The following SLC9A9 variants were observed in gnomAD, a reference collection of about 807,000 sequenced individuals.
SLC9A9 encodes the protein solute carrier family 9 member A9, also known as sodium/hydrogen exchanger 9.
In SLC9A9, 62 loss-of-function variants were observed where a neutral mutation model predicts 77.8. The ratio of observed to expected loss-of-function variants is 0.80; its 90% CI spans 0.65 to 0.98. SLC9A9 has a LOEUF of 0.98. SLC9A9 is among the 50% of genes least tolerant of loss of function. The probability of loss-of-function intolerance (pLI) is 0.00; values close to 1 mark genes in which losing one functional copy is unlikely to be tolerated. For missense variants in SLC9A9, 775 were observed against 774.9 expected (o/e 1.00, Z 0.00); for synonymous variants, 320 against 283.5 (o/e 1.13, Z -1.29).
intron 5 of SLC9A9, among the ~76,000 whole-genome samples, chr3:143,672,426 G>A (rs1485051831): frequency 1.3e-5 from 2 of 152,128 alleles, no homozygotes; most frequent in Non-Finnish European, 2.9e-5. Flanking sequence ...TGATTAGAGA[G>A]CATGATCAGA....
chr3:143,777,317 C>G (rs912257680), intron 4 of SLC9A9, among the ~76,000 whole-genome samples: 1 of 152,188 alleles, frequency 6.6e-6, no homozygotes, highest in African/African-American at 2.4e-5. Context: ...ATCAAACTCT[C>G]TCTTCTGCCT....
intron 12 of SLC9A9, among the ~76,000 whole-genome samples, chr3:143,460,365 G>A (rs1476663624): frequency 6.6e-6 from 1 of 152,042 alleles, no homozygotes; most frequent in African/African-American, 2.4e-5. Context: ...ATTTTGACCA[G>A]AACTGGTACC....
rs548537822 is a variant in SLC9A9, at chr3:143,350,846, C to T, written c.1604+12638G>A. Reference sequence around the variant, plus strand: ...CAGCTCCGTGTTGCTTCTCTCTCCCCGTAATCTGGCCTTTACTCCAGCTCC... The same window carrying T: ...CAGCTCCGTGTTGCTTCTCTCTCCCTGTAATCTGGCCTTTACTCCAGCTCC... On this transcript the variant is annotated intron_variant, in intron 14 of 15. Transcript: ENST00000316549. Among the ~76,000 whole-genome samples the T allele has an allele frequency of 4.6e-5, 7 of 152,298 alleles. No homozygotes were observed. The East Asian group carries it at 1.4e-3, about 29-fold the overall frequency.
chr3:143,495,498 G>A (rs2035818944), intron 9 of SLC9A9, 50 bp from the exon 10 acceptor site: 6 of 1,367,340 alleles, frequency 4.4e-6, no homozygotes, highest in Middle Eastern at 1.8e-4. Flanking sequence ...TCAGGTTTGA[G>A]TGCACTTACT....
At chr3:143,841,487 A>T (rs921150677) in intron 1 of SLC9A9, among the ~76,000 whole-genome samples, 1 of 152,240 alleles carries the variant, frequency 6.6e-6, no homozygotes, top group African/African-American at 2.4e-5. Flanking sequence ...GACATAATAG[A>T]TGTTTAACAA....
intron 4 of SLC9A9, among the ~76,000 whole-genome samples, chr3:143,715,740 C>T (rs1934327057): frequency 6.6e-6 from 1 of 152,126 alleles, no homozygotes; most frequent in African/African-American, 2.4e-5. Flanking sequence ...CAGCCCTGGT[C>T]AGAGAGACAA....
intron 12 of SLC9A9, among the ~76,000 whole-genome samples, chr3:143,430,132 A>G (rs2034484589): frequency 6.6e-6 from 1 of 152,200 alleles, no homozygotes; most frequent in South Asian, 2.1e-4. Flanking sequence ...CTTCAAAGTT[A>G]ATGACTTCAT....
At chr3:143,558,744 C>T (rs2037030508) in intron 8 of SLC9A9, among the ~76,000 whole-genome samples, 1 of 152,006 alleles carries the variant, frequency 6.6e-6, no homozygotes, top group African/African-American at 2.4e-5. Context: ...TGCCTTGTCT[C>T]AGATGAAAAT....
intron 14 of SLC9A9, among the ~76,000 whole-genome samples, chr3:143,272,679 T>TA (rs1232792438): frequency 1.3e-5 from 2 of 152,042 alleles, no homozygotes; most frequent in Admixed American, 6.6e-5. Flanking sequence ...TTCTATCTAT[T>TA]AAAAAAAACC....
chr3:143,603,190 A>G (rs1485652039), intron 6 of SLC9A9, among the ~76,000 whole-genome samples: 1 of 152,238 alleles, frequency 6.6e-6, no homozygotes, highest in African/African-American at 2.4e-5. Flanking sequence ...CATAGAAGTC[A>G]TCTCTGAATG....
At chr3:143,517,691 T>C (rs2036228580) in intron 9 of SLC9A9, 1 of 1,597,476 alleles carries the variant, frequency 6.3e-7, no homozygotes, top group African/African-American at 1.3e-5. Flanking sequence ...CTGAGCTGAA[T>C]CAGGATTTAT....
chr3:143,327,417 C>T lies in SLC9A9; in HGVS notation c.1604+36067G>A, dbSNP rs143433307. Reference sequence around the variant, plus strand: ...TAGTCCAAAAAGGAATCCCTTAGCACATACCATATGGAACAATATGAGTTT... The same window carrying T: ...TAGTCCAAAAAGGAATCCCTTAGCATATACCATATGGAACAATATGAGTTT... On this transcript the variant is annotated intron_variant, in intron 14 of 15. Transcript: ENST00000316549. Among the ~76,000 whole-genome samples, 1,141 of 152,314 alleles carry T rather than the reference C, an allele frequency of 7.5e-3. 4 individuals are homozygous for T. The highest frequency in any genetic ancestry group is 0.014 in the Middle Eastern group (4 of 294).
chr3:143,668,876 C>T (rs1174010440), intron 5 of SLC9A9, among the ~76,000 whole-genome samples: 2 of 152,118 alleles, frequency 1.3e-5, no homozygotes, highest in African/African-American at 4.8e-5. Context: ...ATAAATTGAA[C>T]AACACAATTC....
chr3:143,832,026 A>G lies in SLC9A9; in HGVS notation c.371T>C (p.Leu124Pro), dbSNP rs2009448872. ...NINPHQGNAI[L>P]EKMTFDPEIF... ...ACCAGACAGGATCCTTACCTTTTCAAGTATAGCATTTCCTTGATGAGGATT... is the reference window on the plus strand; with the variant it reads ...ACCAGACAGGATCCTTACCTTTTCAGGTATAGCATTTCCTTGATGAGGATT... The change falls in exon 2 of 16, where the codon CTT becomes CCT. Residue 124 changes from leucine (L) to proline (P), a missense_variant. Transcript: ENST00000316549. The G allele has an allele frequency of 6.2e-7, 1 of 1,611,414 alleles. No homozygotes were observed.
intron 14 of SLC9A9, among the ~76,000 whole-genome samples, chr3:143,327,252 CAATT>C (rs1161656886): frequency 2.0e-5 from 3 of 151,880 alleles, no homozygotes; most frequent in South Asian, 2.1e-4. Flanking sequence ...CTACCTCCCA[CAATT>C]AATTAGAGAA....
At chr3:143,491,499 T>C (rs2035745384) in intron 11 of SLC9A9, among the ~76,000 whole-genome samples, 1 of 152,164 alleles carries the variant, frequency 6.6e-6, no homozygotes, top group African/African-American at 2.4e-5. Flanking sequence ...TCAGTTTTGA[T>C]TCAAGAGCCA....
At chr3:143,760,444 A>T (rs1030529842) in intron 4 of SLC9A9, among the ~76,000 whole-genome samples, 1 of 152,092 alleles carries the variant, frequency 6.6e-6, no homozygotes, top group East Asian at 1.9e-4. Flanking sequence ...TAGCTAGAAA[A>T]CCCCATCGTC....
At chr3:143,655,583 A>G (rs974138924) in intron 5 of SLC9A9, 1 of 984,976 alleles carries the variant, frequency 1.0e-6, no homozygotes, top group Non-Finnish European at 1.2e-6. Flanking sequence ...TTCTTACATG[A>G]TGTTGTAGCT....
rs564579986 is a variant in SLC9A9 at position 143,614,179 on chromosome 3, T to C, written c.756-35456A>G. Reference sequence around the variant, plus strand: ...ACCAAGGCAGGCAATAAGGGTACCATCTCTGAGGGTTAAGACAGGTATTTC... The same window carrying C: ...ACCAAGGCAGGCAATAAGGGTACCACCTCTGAGGGTTAAGACAGGTATTTC... On this transcript the variant is annotated intron_variant, in intron 6 of 15. Transcript: ENST00000316549. Among the ~76,000 whole-genome samples the C allele has an allele frequency of 2.8e-3, 430 of 152,264 alleles. 3 individuals carry two copies. Among genetic ancestry groups the C allele is most frequent in the African/African-American group, 9.9e-3 (411 of 41,550 alleles).
Sources: gnomAD v4.1 joint callset for allele counts (sites outside exome capture counted in the v4.1 genomes callset) on GRCh38, gnomAD v4.1.1 for gene constraint, MANE v1.5 for transcripts, NCBI Gene and HGNC (gene_info 2026-07-23, HGNC 2026-07-21) for gene names.